The following TCF20 variants were observed in gnomAD, a reference collection of about 807,000 sequenced individuals.
TCF20 encodes transcription factor 20.
In TCF20, 3 loss-of-function variants were observed where a neutral mutation model predicts 148.6. The ratio of observed to expected loss-of-function variants is 0.02; its 90% CI spans 0.01 to 0.05. The LOEUF is 0.05. Ranked by LOEUF, TCF20 falls within the 10% of genes least tolerant of loss-of-function variation. The pLI is 1.00. For synonymous variants in TCF20, 1,049 were observed against 909.5 expected (o/e 1.15, Z -2.76); for missense variants, 2,350 against 2,429.3 (o/e 0.97, Z 0.69).
In TCF20 at chr22:42,215,054, T is replaced by C. The variant is rs766541840; in HGVS notation, c.252A>G (p.Lys84=). The part of the protein sequence containing the change: ...SGHQGYQGFR[K]EAGDFYYMAG... Reference sequence around the variant, plus strand: ...CCATGTAGTAAAAATCTCCAGCCTCTTTCCTGAAACCCTGGTAACCTTGAT... The same window carrying C: ...CCATGTAGTAAAAATCTCCAGCCTCCTTCCTGAAACCCTGGTAACCTTGAT... Residue 84 remains lysine (K), a synonymous_variant, in exon 2 of 6, where the codon AAA becomes AAG. Transcript: ENST00000677622. 5 of 1,614,202 alleles carry C rather than the reference T, an allele frequency of 3.1e-6. No individual in the cohort carries two copies. The highest frequency in any genetic ancestry group is 1.1e-5 in the South Asian group (1 of 91,084).
At chr22:42,206,026 G>A (rs774857931) in intron 2 of TCF20, among the ~76,000 whole-genome samples, 2 of 151,956 alleles carry the variant, frequency 1.3e-5, no homozygotes, top group Admixed American at 6.6e-5. Context: ...TGCCCACCTC[G>A]GCCTCCCAAA....
chr22:42,283,276 C>A (rs997783239), intron 1 of TCF20, among the ~76,000 whole-genome samples: 2 of 152,220 alleles, frequency 1.3e-5, no homozygotes, highest in African/African-American at 4.8e-5. Context: ...GGTGGAAGAA[C>A]ATGCCTGGAA....
chr22:42,263,552 C>T (rs1476689514), intron 1 of TCF20, among the ~76,000 whole-genome samples: 1 of 152,108 alleles, frequency 6.6e-6, no homozygotes, highest in Non-Finnish European at 1.5e-5. Flanking sequence ...CACCCTACAT[C>T]CAAAAGGCCT....
chr22:42,182,606 A>G (rs1429909942), intron 2 of TCF20, among the ~76,000 whole-genome samples: 1 of 152,230 alleles, frequency 6.6e-6, no homozygotes, highest in Non-Finnish European at 1.5e-5. Context: ...CCAAAGGGGA[A>G]AGACTCTCAG....
intron 1 of TCF20, among the ~76,000 whole-genome samples, chr22:42,258,835 T>C (rs1925882362): frequency 1.3e-5 from 2 of 152,248 alleles, no homozygotes; most frequent in South Asian, 4.2e-4. Flanking sequence ...TTTATCAGGA[T>C]GTAACTCCAT....
At chr22:42,174,077 C>T (rs1477957408) in intron 3 of TCF20, among the ~76,000 whole-genome samples, 1 of 152,168 alleles carries the variant, frequency 6.6e-6, no homozygotes, top group Non-Finnish European at 1.5e-5. Context: ...TGGGCACAAG[C>T]TTCCACTAGA....
intron 1 of TCF20, among the ~76,000 whole-genome samples, chr22:42,280,704 G>C (rs1180152747): frequency 6.6e-6 from 1 of 152,216 alleles, no homozygotes; most frequent in Non-Finnish European, 1.5e-5. Context: ...CTGAGGCTCA[G>C]ATGGATTGAG....
chr22:42,168,454 G>A (rs1258244528), intron 5 of TCF20, among the ~76,000 whole-genome samples, 155 bp downstream of exon 5: 1 of 152,210 alleles, frequency 6.6e-6, no homozygotes, highest in Non-Finnish European at 1.5e-5. Context: ...AATCTGGGGA[G>A]CTAAGTAACC....
chr22:42,214,283 T>C lies in TCF20; in HGVS notation c.1023A>G (p.Gln341=). 6.2e-7 allele frequency: 1 copy of C among 1,614,166 alleles called. No individual in the cohort carries two copies. Among genetic ancestry groups the C allele is most frequent in the Non-Finnish European group, 8.5e-7 (1 of 1,180,032 alleles). ...YTNAATKLPL[Q]SQVGQYNQPE... is the part of the protein sequence containing the mutation. Reference sequence around the variant, plus strand: ...GCTGGTTGTACTGCCCCACTTGGCTTTGCAGGGGCAGCTTGGTGGCAGCGT... The same window carrying C: ...GCTGGTTGTACTGCCCCACTTGGCTCTGCAGGGGCAGCTTGGTGGCAGCGT... The change falls in exon 2 of 6, where the codon CAA becomes CAG. Residue 341 remains glutamine, a synonymous_variant. Coordinates refer to ENST00000677622, the MANE Select transcript of TCF20 (RefSeq NM_001378418.1).
At chr22:42,307,860 G>A (rs1164178839) in intron 1 of TCF20, among the ~76,000 whole-genome samples, 5 of 152,146 alleles carry the variant, frequency 3.3e-5, no homozygotes, top group African/African-American at 4.8e-5. Flanking sequence ...GCTCCAGCTT[G>A]GACGGCCAGC....
intron 1 of TCF20, among the ~76,000 whole-genome samples, chr22:42,294,441 C>T (rs1927191477): frequency 6.6e-6 from 1 of 152,110 alleles, no homozygotes; most frequent in Non-Finnish European, 1.5e-5. Context: ...GGAGGGAGGC[C>T]AGGGAAGGCT....
At chr22:42,226,636 T>C (rs918120787) in intron 1 of TCF20, among the ~76,000 whole-genome samples, 3 of 151,920 alleles carry the variant, frequency 2.0e-5, no homozygotes, top group South Asian at 2.1e-4. Context: ...ACACAGGAGG[T>C]GGAGGTTGCA....
At chr22:42,248,972 C>T (rs1277185221) in intron 1 of TCF20, among the ~76,000 whole-genome samples, 1 of 152,164 alleles carries the variant, frequency 6.6e-6, no homozygotes, top group Non-Finnish European at 1.5e-5. Context: ...AGGATGTTTT[C>T]AGAGATTAGT....
chr22:42,205,075 T>C (rs1938296548), intron 2 of TCF20, among the ~76,000 whole-genome samples: 1 of 152,234 alleles, frequency 6.6e-6, no homozygotes, highest in Admixed American at 6.5e-5. Flanking sequence ...CCTGCACGCC[T>C]TGGCATTCCT....
chr22:42,277,108 C>T (rs1215315930), intron 1 of TCF20: 1 of 152,252 alleles, frequency 6.6e-6, no homozygotes, highest in African/African-American at 2.4e-5. Context: ...CTCTGTCTAA[C>T]TAGACAAGTT....
At chr22:42,303,346 C>A (rs1250695910) in intron 1 of TCF20, among the ~76,000 whole-genome samples, 1 of 152,246 alleles carries the variant, frequency 6.6e-6, no homozygotes, top group Non-Finnish European at 1.5e-5. Context: ...GCAGAGGAGA[C>A]CGAGGCTCAG....
intron 2 of TCF20, among the ~76,000 whole-genome samples, chr22:42,190,197 G>A (rs1027701882): frequency 6.6e-6 from 1 of 152,208 alleles, no homozygotes; most frequent in Non-Finnish European, 1.5e-5. Context: ...GGTGGCCCAT[G>A]TCTGTTATCC....
In TCF20 at chr22:42,211,271, C is replaced by A; in HGVS notation, c.4035G>T (p.Arg1345=). ...CTTCCAATTTCAATCCCCGTCCTTT[C>A]CGTGGGGGCAGTATTTTGGTCTTAG... ...SPAKTKILPP[R]KGRGLKLEAI... Residue 1345 remains arginine (R), a synonymous_variant, in exon 2 of 6, where the codon CGG becomes CGT. Transcript: ENST00000677622. 1 of 1,614,152 alleles carries A rather than the reference C, an allele frequency of 6.2e-7. No homozygotes were observed. The highest frequency in any genetic ancestry group is 8.5e-7 in the Non-Finnish European group (1 of 1,180,030).
At chr22:42,267,515 A>G (rs1926351829) in intron 1 of TCF20, among the ~76,000 whole-genome samples, 1 of 151,660 alleles carries the variant, frequency 6.6e-6, no homozygotes, top group Admixed American at 6.6e-5. Context: ...ATCCTGCCCA[A>G]TATGGTGAAA....
Sources: allele counts gnomAD v4.1 joint callset (sites outside exome capture counted in the v4.1 genomes callset), GRCh38; gene constraint gnomAD v4.1.1; transcripts MANE v1.5; gene names NCBI Gene and HGNC (gene_info 2026-07-23, HGNC 2026-07-21).